Variants in LYRM4 observed in about 807,000 individuals in gnomAD.
LYRM4 encodes LYR motif-containing protein 4.
A neutral mutation model predicts 11.7 loss-of-function variants in LYRM4; 9 were observed. The ratio of observed to expected loss-of-function variants is 0.77; its 90% CI spans 0.46 to 1.34. The LOEUF (loss-of-function observed/expected upper bound fraction) is 1.34. Among genes scored for constraint, LYRM4 ranks in the 40% most tolerant of loss-of-function variants. The pLI is 0.00. For missense variants in LYRM4, 133 were observed against 112.5 expected, an observed-to-expected ratio of 1.18 and a Z score of -0.82; for synonymous variants, 42 against 40.4, an observed-to-expected ratio of 1.04 and a Z score of -0.15.
At chr6:5,256,095 C>T (rs202246926) in intron 1 of LYRM4, among the ~76,000 whole-genome samples, 1 of 151,798 alleles carries the variant, frequency 6.6e-6, no homozygotes, top group East Asian at 2.0e-4. Context: ...ATTGAGAAAT[C>T]CTAGTTTAAG....
At chr6:5,080,471 ATCTGGG>A in the LYRM4 span, among the ~76,000 whole-genome samples, 1 of 152,190 alleles carries the variant, frequency 6.6e-6, no homozygotes, top group East Asian at 1.9e-4. Flanking sequence ...GAGGCCTGCA[ATCTGGG>A]TCTGGAAGCT....
At chr6:5,228,938 A>G (rs1473354070) in intron 1 of LYRM4, among the ~76,000 whole-genome samples, 1 of 144,954 alleles carries the variant, frequency 6.9e-6, no homozygotes, top group Non-Finnish European at 1.5e-5. Context: ...CGGGAGACAG[A>G]GCTTGCAGCG....
intron 1 of LYRM4, among the ~76,000 whole-genome samples, chr6:5,240,171 C>A (rs934089380): frequency 6.6e-6 from 1 of 152,158 alleles, no homozygotes; most frequent in Non-Finnish European, 1.5e-5. Flanking sequence ...CCTTACAGTA[C>A]ATCCAACCTT....
chr6:5,091,661 G>A, the LYRM4 span, among the ~76,000 whole-genome samples: 1 of 152,200 alleles, frequency 6.6e-6, no homozygotes, highest in Non-Finnish European at 1.5e-5. Context: ...AAAGATCAAG[G>A]GCTTCCTTTT....
the LYRM4 span, chr6:5,066,453 C>T: frequency 1.3e-6 from 1 of 757,698 alleles, no homozygotes; most frequent in South Asian, 1.4e-5. Flanking sequence ...TGCTTCTATT[C>T]CCAAATTCTG....
At chr6:5,163,676 C>T (rs1048488833) in intron 2 of LYRM4, among the ~76,000 whole-genome samples, 5 of 149,684 alleles carry the variant, frequency 3.3e-5, no homozygotes, top group African/African-American at 7.4e-5. Context: ...TAGAGTGGCA[C>T]GATCTTGGCT....
chr6:5,047,662 A>G, the LYRM4 span, among the ~76,000 whole-genome samples: 12 of 152,254 alleles, frequency 7.9e-5, no homozygotes, highest in African/African-American at 1.4e-4. Flanking sequence ...TGTAACTAAT[A>G]TAAATCTGGG....
the LYRM4 span, among the ~76,000 whole-genome samples, chr6:5,074,478 T>C: frequency 1.4e-5 from 2 of 143,804 alleles, no homozygotes; most frequent in African/African-American, 5.2e-5. Flanking sequence ...CTTTGAGAGG[T>C]TCAAGGCTTC....
At position 5,216,613 on chromosome 6, in the gene LYRM4, C is replaced by A. The variant is rs781117556; in HGVS notation, c.207+5G>T. 6.2e-7 allele frequency: 1 copy of A among 1,613,854 alleles called. No individual in the cohort carries two copies. The highest frequency in any genetic ancestry group is 2.2e-5 in the East Asian group (1 of 44,872). On this transcript the variant is annotated splice_donor_5th_base_variant and intron_variant, in intron 2 of 2. Coordinates refer to ENST00000330636, the MANE Select transcript of LYRM4 (RefSeq NM_020408.6). ...GAAAAACAGTACATCATTGAACCATCTTACCTGTCGACGAATTACTCCAAG... is the reference window on the plus strand; with the variant it reads ...GAAAAACAGTACATCATTGAACCATATTACCTGTCGACGAATTACTCCAAG...
downstream of LYRM4, chr6:5,107,278 C>T (rs1185080351): frequency 6.6e-6 from 1 of 152,368 alleles, no homozygotes; most frequent in East Asian, 1.9e-4. Context: ...TGGACTGCCT[C>T]ATTGCGTAAA....
At chr6:5,185,468 T>G (rs1160079805) in intron 2 of LYRM4, among the ~76,000 whole-genome samples, 3 of 151,946 alleles carry the variant, frequency 2.0e-5, no homozygotes, top group African/African-American at 7.3e-5. Flanking sequence ...TGAGTTGAGA[T>G]ATAAAGGGAA....
the LYRM4 span, among the ~76,000 whole-genome samples, chr6:5,081,134 C>CGG: frequency 4.8e-5 from 6 of 126,054 alleles, no homozygotes; most frequent in African/African-American, 1.1e-4. Flanking sequence ...CACACTTGGG[C>CGG]GGGGGGGGGG....
At chr6:5,060,563 C>A in the LYRM4 span, among the ~76,000 whole-genome samples, 3 of 151,410 alleles carry the variant, frequency 2.0e-5, no homozygotes, top group East Asian at 1.9e-4. Flanking sequence ...GCAGTGGTAC[C>A]ATCTCCATAG....
the LYRM4 span, among the ~76,000 whole-genome samples, chr6:5,040,331 A>AGATAGATAGATG: frequency 1.5e-5 from 2 of 134,770 alleles, no homozygotes; most frequent in Admixed American, 1.6e-4. Flanking sequence ...ATAGATAGAT[A>AGATAGATAGATG]GATAGATAGA....
In LYRM4 at chr6:5,137,409, T is replaced by C. The variant is rs1581354121; in HGVS notation, c.208-27918A>G. Among the ~76,000 whole-genome samples the C allele has an allele frequency of 2.0e-5, 3 of 152,312 alleles. No homozygotes were observed. The East Asian group carries it at 5.8e-4, about 29-fold the overall frequency. ...CTTCTTTTTAAGCCCCAACATAGAA[T>C]GGTTGCTTCTAGGACCTGTCAAGAG... On this transcript the variant is annotated intron_variant, in intron 2 of 2. Transcript: ENST00000330636.
At chr6:5,231,610 T>C (rs1438929342) in intron 1 of LYRM4, among the ~76,000 whole-genome samples, 1 of 152,212 alleles carries the variant, frequency 6.6e-6, no homozygotes, top group Non-Finnish European at 1.5e-5. Flanking sequence ...AGCTTTAATT[T>C]TCCCTGTTGC....
intron 2 of LYRM4, among the ~76,000 whole-genome samples, chr6:5,166,150 C>T (rs1235470804): frequency 1.3e-5 from 2 of 152,148 alleles, no homozygotes; most frequent in African/African-American, 2.4e-5. Flanking sequence ...TTTGTATTTA[C>T]CTCAGCTTTG....
chr6:5,226,058 T>A (rs1448188514), intron 1 of LYRM4, among the ~76,000 whole-genome samples: 4 of 152,226 alleles, frequency 2.6e-5, no homozygotes, highest in Non-Finnish European at 5.9e-5. Flanking sequence ...TAGCCTTTTG[T>A]GCAGAGTTAC....
chr6:5,044,359 G>T, the LYRM4 span, among the ~76,000 whole-genome samples: 1 of 152,304 alleles, frequency 6.6e-6, no homozygotes, highest in South Asian at 2.1e-4. Context: ...TCGAACTCCT[G>T]ACCTCAAGTG....
Sources: gnomAD v4.1 joint callset for allele counts (sites outside exome capture counted in the v4.1 genomes callset) on GRCh38, gnomAD v4.1.1 for gene constraint, MANE v1.5 for transcripts, NCBI Gene and HGNC (gene_info 2026-07-23, HGNC 2026-07-21) for gene names.